CYB5R2: variants seen among roughly 807,000 people sequenced by gnomAD.
CYB5R2 encodes cytochrome b5 reductase 2.
A neutral mutation model predicts 29.8 loss-of-function variants in CYB5R2; 35 were observed. That is an observed-to-expected ratio of 1.17 (90% CI 0.90 to 1.56). The LOEUF (loss-of-function observed/expected upper bound fraction) is 1.56. CYB5R2 is among the 40% of genes most tolerant of loss of function. CYB5R2 has a pLI of 0.00. For synonymous variants in CYB5R2, 169 were observed against 130.6 expected, an observed-to-expected ratio of 1.29 and a Z score of -2.01; for missense variants, 419 against 346.7, an observed-to-expected ratio of 1.21 and a Z score of -1.66.
chr11:7,666,539 A>G lies in CYB5R2; in HGVS notation c.570T>C (p.Asp190=). ...CTTCAAGCTCTTTTCTGACCAAGAT[A>G]TCCTCCTCTGTCTAGAAAAGAAGCA... ...SLIFANQTEE[D]ILVRKELEEI... Residue 190 remains aspartate, a synonymous_variant, in exon 8 of 9, where the codon GAT becomes GAC. Transcript: ENST00000299498. 2 of 1,612,994 alleles carry G rather than the reference A, an allele frequency of 1.2e-6. No homozygotes were observed. The highest frequency in any genetic ancestry group is 1.7e-6 in the Non-Finnish European group (2 of 1,179,072).
intron 4 of CYB5R2, 36 bp from the exon 5 acceptor site, chr11:7,669,370 GAC>G: frequency 6.3e-7 from 1 of 1,586,626 alleles, no homozygotes; most frequent in South Asian, 1.2e-5. Context: ...CACATTCCCA[GAC>G]ACAATGCCAC....
rs959136869 is a variant in CYB5R2 at position 7,668,253 on chromosome 11, G to C, written c.472+225C>G. Among the ~76,000 whole-genome samples the C allele has an allele frequency of 3.3e-4, 50 of 152,194 alleles. 1 individual carries two copies. The highest frequency in any genetic ancestry group is 1.2e-3 in the African/African-American group (50 of 41,458). On this transcript the variant is annotated intron_variant, in intron 6 of 8. Transcript: ENST00000299498. ...GTGGGCCTGCCCAGCTTGCCCCCAA[G>C]CCTGACCTGAAAGGTCCCCACAAGG...
chr11:7,666,064 G>T (rs1420449358), intron 8 of CYB5R2: 2 of 706,068 alleles, frequency 2.8e-6, no homozygotes, highest in East Asian at 2.7e-5. Context: ...GCATGTCCAG[G>T]TGAGGTGGGC....
At chr11:7,672,298 A>C in intron 3 of CYB5R2, 153 bp downstream of exon 3, 1 of 630,248 alleles carries the variant, frequency 1.6e-6, no homozygotes, top group Non-Finnish European at 2.8e-6. Flanking sequence ...TCCCACATCC[A>C]TCCCCCTATC....
intron 3 of CYB5R2, chr11:7,671,393 C>T (rs1855727957): frequency 1.3e-5 from 2 of 152,274 alleles, no homozygotes; most frequent in African/African-American, 4.8e-5. Context: ...TCTACATTAC[C>T]TTGTCCCACT....
At chr11:7,669,392 C>A in intron 4 of CYB5R2, 58 bp from the exon 5 acceptor site, 1 of 1,556,060 alleles carries the variant, frequency 6.4e-7, no homozygotes, top group Non-Finnish European at 8.7e-7. Flanking sequence ...CAGCCACGTA[C>A]AACTAGAAAA....
intron 1 of CYB5R2, 50 bp downstream of exon 1, chr11:7,673,361 AGGGGGCCT>A (rs1332455847): frequency 9.9e-7 from 1 of 1,007,918 alleles, no homozygotes; most frequent in Non-Finnish European, 1.2e-6. Context: ...GACAGGGCGA[AGGGGGCCT>A]GGGCACTCAA....
intron 3 of CYB5R2, chr11:7,670,285 C>T (rs1192792083): frequency 3.3e-5 from 5 of 153,374 alleles, no homozygotes; most frequent in African/African-American, 1.2e-4. Context: ...CCCAGGAGGT[C>T]GAGGCTGCAG....
rs1182739309 is a variant in CYB5R2, at chr11:7,665,220, T to C, written c.*154A>G. ...CAGTCTCCAGCCCCTTGAGCCCTTT[T>C]TGTTAGGCCCACACCCAAAAGAGGA... On this transcript the variant is annotated 3_prime_UTR_variant, in exon 9 of 9. Coordinates refer to ENST00000299498, the MANE Select transcript of CYB5R2 (RefSeq NM_016229.5). 2 of 614,938 alleles carry C rather than the reference T, an allele frequency of 3.3e-6. No homozygotes were observed. Among genetic ancestry groups the C allele is most frequent in the East Asian group, 3.2e-5 (1 of 31,098 alleles). 38.1% of individuals were successfully genotyped at this position (614,938 alleles called of 1,614,324 possible). A position where few individuals can be genotyped will look rare whatever the true frequency, so the allele number is the denominator to read the frequency against.
upstream of CYB5R2, chr11:7,674,258 G>C (rs760659847): frequency 7.8e-7 from 1 of 1,288,956 alleles, no homozygotes; most frequent in Admixed American, 2.3e-5. Context: ...CTGGTCCGGG[G>C]CGGGTGTTTG....
At chr11:7,672,259 T>A (rs1428371102) in intron 3 of CYB5R2, 192 bp downstream of exon 3, 1 of 577,420 alleles carries the variant, frequency 1.7e-6, no homozygotes, top group African/African-American at 1.9e-5. Flanking sequence ...GTCAGCCCAA[T>A]TGGAATAATG....
rs1855065675 is a variant in CYB5R2, at chr11:7,665,487, G to T, written c.718C>A (p.Pro240Thr). 12 of 1,613,842 alleles carry T rather than the reference G, an allele frequency of 7.4e-6. No individual in the cohort carries two copies. The highest frequency in any genetic ancestry group is 1.7e-5 in the Admixed American group (1 of 59,962). The change falls in exon 9 of 9, where the codon CCA (proline) becomes ACA (threonine). Residue 240 changes from proline (P) to threonine (T), a missense_variant. Coordinates refer to ENST00000299498, the MANE Select transcript of CYB5R2 (RefSeq NM_016229.5). ...ADMIKEHLPP[P>T]AKSTLILVCG... is the part of the protein sequence containing the mutation. Reference sequence around the variant, plus strand: ...ACCAGGATGAGCGTGGACTTCGCTGGAGGAGGAAGGTGCTCCTTGATCATG... The same window carrying T: ...ACCAGGATGAGCGTGGACTTCGCTGTAGGAGGAAGGTGCTCCTTGATCATG...
intron 7 of CYB5R2, 75 bp downstream of exon 7, chr11:7,667,653 T>G (rs1379018829): frequency 2.9e-6 from 4 of 1,362,016 alleles, no homozygotes; most frequent in Non-Finnish European, 4.2e-6. Context: ...GCTCAGTCAA[T>G]GCAGGAGAAA....
upstream of CYB5R2, chr11:7,674,257 G>A (rs1335727270): frequency 7.8e-7 from 1 of 1,288,922 alleles, no homozygotes; most frequent in African/African-American, 1.5e-5. Context: ...CCTGGTCCGG[G>A]GCGGGTGTTT....
intron 3 of CYB5R2, chr11:7,671,066 C>A (rs1431089066): frequency 6.6e-6 from 1 of 152,334 alleles, no homozygotes; most frequent in Non-Finnish European, 1.5e-5. Context: ...GAAGCTGATT[C>A]AAGGGGATGA....
chr11:7,671,758 T>G (rs1271609497), intron 3 of CYB5R2: 1 of 152,222 alleles, frequency 6.6e-6, no homozygotes, highest in Non-Finnish European at 1.5e-5. Flanking sequence ...CTGCTCTGAA[T>G]CCCTGATTCT....
intron 1 of CYB5R2, 92 bp from the exon 2 acceptor site, chr11:7,672,983 G>A: frequency 8.0e-7 from 1 of 1,249,076 alleles, no homozygotes; most frequent in Non-Finnish European, 1.1e-6. Context: ...CACACCAAAG[G>A]CACAGGAGCT....
At chr11:7,674,042 G>C (rs987666375), upstream of CYB5R2, 1 of 1,183,582 alleles carries the variant, frequency 8.4e-7, no homozygotes, top group African/African-American at 1.6e-5. Context: ...TCGCTCCTGC[G>C]CTGCCCCTCT....
rs769120171 is a variant in CYB5R2 at position 7,672,904 on chromosome 11, A to G, written c.-66-13T>C. 3.7e-6 allele frequency: 6 copies of G among 1,606,886 alleles called. No homozygotes were observed. The East Asian group carries it at 6.7e-5, about 18-fold the overall frequency. The stretch of plus-strand genomic sequence containing the variant: ...GCAGGGACGGGTCCTGGCAGACACA[A>G]TGTGAACAGAGCACCTCAGGTCTTG... On this transcript the variant is annotated splice_polypyrimidine_tract_variant and intron_variant, in intron 1 of 8. Transcript: ENST00000299498.
Sources: allele counts gnomAD v4.1 joint callset (sites outside exome capture counted in the v4.1 genomes callset), GRCh38; gene constraint gnomAD v4.1.1; transcripts MANE v1.5; gene names NCBI Gene and HGNC (gene_info 2026-07-23, HGNC 2026-07-21).